Variants in ZNF385D observed in about 807,000 individuals in gnomAD.
The protein encoded by ZNF385D is zinc finger protein 385D.
ZNF385D carries 15 observed loss-of-function variants against 35.8 expected under a neutral mutation model. The ratio of observed to expected loss-of-function variants is 0.42; its 90% CI spans 0.28 to 0.64. ZNF385D has a LOEUF of 0.64. Ranked by LOEUF, ZNF385D falls within the 30% of genes least tolerant of loss-of-function variation. The probability of loss-of-function intolerance (pLI) is 0.23; values close to 1 mark genes in which losing one functional copy is unlikely to be tolerated. For synonymous variants in ZNF385D, 212 were observed against 186.8 expected (o/e 1.13, Z -1.10); for missense variants, 474 against 494.6 (o/e 0.96, Z 0.39).
At chr3:22,194,619 A>G (rs989566602) in intron 2 of ZNF385D, among the ~76,000 whole-genome samples, 1 of 151,932 alleles carries the variant, frequency 6.6e-6, no homozygotes, top group Non-Finnish European at 1.5e-5. Flanking sequence ...CAGCACATAA[A>G]ACACCACATC....
At chr3:21,484,909 T>C (rs1202272241) in intron 4 of ZNF385D, among the ~76,000 whole-genome samples, 2 of 152,184 alleles carry the variant, frequency 1.3e-5, no homozygotes, top group African/African-American at 2.4e-5. Context: ...CCGGCATATA[T>C]AGGAGGCAAA....
In ZNF385D at chr3:21,709,190, C is replaced by T. The variant is rs916861205; in HGVS notation, c.22+41705G>A. Among the ~76,000 whole-genome samples, 8 of 152,192 alleles carry T rather than the reference C, an allele frequency of 5.3e-5. No homozygotes were observed. The South Asian group carries it at 1.2e-3, about 24-fold the overall frequency. ...TACCATAATGTTTATTTCCATTTTC[C>T]ATCTCCTTCAGGATCTCACGTTCCT... On this transcript the variant is annotated intron_variant, in intron 1 of 7. Transcript: ENST00000281523.
intron 3 of ZNF385D, among the ~76,000 whole-genome samples, chr3:21,799,893 T>C (rs1044148436): frequency 2.6e-5 from 4 of 152,198 alleles, no homozygotes; most frequent in African/African-American, 9.6e-5. Context: ...AGAATGCACA[T>C]AGAGGCCTTT....
chr3:21,703,649 C>A (rs1203874729), intron 1 of ZNF385D, among the ~76,000 whole-genome samples: 2 of 118,268 alleles, frequency 1.7e-5, no homozygotes, highest in African/African-American at 5.9e-5. Context: ...ATAGCTCATG[C>A]TCTTTATCCT....
At chr3:21,756,694 G>A (rs567452824) in intron 3 of ZNF385D, among the ~76,000 whole-genome samples, 37 of 152,300 alleles carry the variant, frequency 2.4e-4, no homozygotes, top group Non-Finnish European at 3.2e-4. Context: ...AGTTAGTGAT[G>A]AATATTTGTT....
chr3:22,150,506 C>T (rs1705155649), intron 3 of ZNF385D, among the ~76,000 whole-genome samples: 1 of 151,928 alleles, frequency 6.6e-6, no homozygotes, highest in African/African-American at 2.4e-5. Flanking sequence ...TGCATACCTA[C>T]TTTTTTCTCC....
chr3:22,304,823 T>G (rs1301611792), intron 2 of ZNF385D, among the ~76,000 whole-genome samples: 2 of 152,188 alleles, frequency 1.3e-5, no homozygotes, highest in African/African-American at 4.8e-5. Context: ...TGCCACTACT[T>G]GCTTTCCCCT....
intron 2 of ZNF385D, among the ~76,000 whole-genome samples, chr3:22,197,412 G>C (rs1696491295): frequency 6.6e-6 from 1 of 151,960 alleles, no homozygotes; most frequent in African/African-American, 2.4e-5. Flanking sequence ...ATATTTTAGT[G>C]AGTTGTTTAC....
intron 3 of ZNF385D, among the ~76,000 whole-genome samples, chr3:21,992,401 A>C (rs541484978): frequency 6.6e-6 from 1 of 152,278 alleles, no homozygotes; most frequent in South Asian, 2.1e-4. Flanking sequence ...TGGAGGAGGT[A>C]GAATAACCGT....
intron 2 of ZNF385D, among the ~76,000 whole-genome samples, chr3:21,624,790 T>G (rs2065091306): frequency 6.6e-6 from 1 of 152,008 alleles, no homozygotes; most frequent in Non-Finnish European, 1.5e-5. Flanking sequence ...AACATCTTAT[T>G]TCAACTGAAG....
At chr3:21,627,532 A>T (rs186898569) in intron 2 of ZNF385D, among the ~76,000 whole-genome samples, 25 of 152,256 alleles carry the variant, frequency 1.6e-4, no homozygotes, top group Admixed American at 5.9e-4. Flanking sequence ...CTCACCATCT[A>T]TCTCATTCCC....
chr3:21,833,377 T>C (rs1695122865), intron 3 of ZNF385D, among the ~76,000 whole-genome samples: 1 of 152,172 alleles, frequency 6.6e-6, no homozygotes, highest in African/African-American at 2.4e-5. Flanking sequence ...CCCTGCATTA[T>C]CCAGATGGAC....
intron 4 of ZNF385D, among the ~76,000 whole-genome samples, chr3:21,505,063 G>A (rs1326570597): frequency 6.6e-6 from 1 of 152,122 alleles, no homozygotes; most frequent in Admixed American, 6.6e-5. Flanking sequence ...GTGGACTCTA[G>A]CAATTGAATA....
chr3:22,339,879 T>C (rs1171290977), intron 2 of ZNF385D, among the ~76,000 whole-genome samples: 1 of 152,192 alleles, frequency 6.6e-6, no homozygotes, highest in Non-Finnish European at 1.5e-5. Context: ...TCTGAATCTC[T>C]GGTCCTCTGA....
At chr3:21,840,015 C>A (rs2125784427) in intron 3 of ZNF385D, among the ~76,000 whole-genome samples, 1 of 152,138 alleles carries the variant, frequency 6.6e-6, no homozygotes, top group South Asian at 2.1e-4. Flanking sequence ...AATTATTTTT[C>A]AACGTTTTTG....
intron 2 of ZNF385D, among the ~76,000 whole-genome samples, chr3:21,664,488 G>A (rs545036857): frequency 8.8e-4 from 134 of 152,210 alleles, no homozygotes; most frequent in Non-Finnish European, 1.6e-3. Flanking sequence ...TTAGAAAAAC[G>A]TAACAGATTT....
chr3:21,750,577 G>A (rs1310135291), intron 1 of ZNF385D, among the ~76,000 whole-genome samples: 1 of 152,046 alleles, frequency 6.6e-6, no homozygotes, highest in Non-Finnish European at 1.5e-5. Context: ...GACTTCCCAC[G>A]CTGCACTATT....
intron 5 of ZNF385D, 105 bp downstream of exon 5, chr3:21,436,865 C>G (rs887713268): frequency 3.9e-6 from 4 of 1,030,146 alleles, no homozygotes; most frequent in Middle Eastern, 2.2e-4. Flanking sequence ...GTAATAATTG[C>G]CAGTTTTCCT....
chr3:22,042,609 G>A (rs1384828444), intron 3 of ZNF385D, among the ~76,000 whole-genome samples: 3 of 152,088 alleles, frequency 2.0e-5, no homozygotes, highest in Admixed American at 2.0e-4. Context: ...AAGCTCTGGT[G>A]ATGTACTTCT....
Sources: gnomAD v4.1 joint callset for allele counts (sites outside exome capture counted in the v4.1 genomes callset) on GRCh38, gnomAD v4.1.1 for gene constraint, MANE v1.5 for transcripts, NCBI Gene and HGNC (gene_info 2026-07-23, HGNC 2026-07-21) for gene names.